Variants in CEP97 observed in about 807,000 individuals in gnomAD.
The protein encoded by CEP97 is centrosomal protein of 97 kDa.
In CEP97, 43 loss-of-function variants were observed where a neutral mutation model predicts 73.1. That is an observed-to-expected ratio of 0.59 (90% confidence interval 0.46 to 0.76). The LOEUF is 0.76. Among genes scored for constraint, CEP97 ranks in the 30% least tolerant of loss-of-function variants. CEP97 has a pLI of 0.00. For missense variants in CEP97, 939 were observed against 1,014.0 expected (o/e 0.93, Z 1.00); for synonymous variants, 337 against 370.0 (o/e 0.91, Z 1.02).
rs962527575 is a variant in CEP97 at position 101,766,910 on chromosome 3, G to A, written c.*1359G>A. ...AAGCATCTGATCCTTCAAGGATAAA[G>A]TTGAGGATCACATGGTACGTGGCAT... On this transcript the variant is annotated 3_prime_UTR_variant, in exon 11 of 11. Coordinates refer to ENST00000341893, the MANE Select transcript of CEP97 (RefSeq NM_024548.4). 6.6e-6 allele frequency: 1 copy of A among 152,182 alleles called. No homozygotes were observed. The highest frequency in any genetic ancestry group is 2.4e-5 in the African/African-American group (1 of 41,442). 9.4% of individuals were successfully genotyped at this position (152,182 alleles called of 1,614,324 possible). A position where few individuals can be genotyped will look rare whatever the true frequency, so the allele number is the denominator to read the frequency against.
intron 6 of CEP97, among the ~76,000 whole-genome samples, chr3:101,749,855 T>A (rs1938749085): frequency 7.3e-6 from 1 of 137,492 alleles, no homozygotes; most frequent in Non-Finnish European, 1.6e-5. Context: ...TGTTTTTTTC[T>A]TGTAAATTTG....
chr3:101,749,609 C>T (rs1398445819), intron 6 of CEP97, among the ~76,000 whole-genome samples: 2 of 127,996 alleles, frequency 1.6e-5, no homozygotes, highest in African/African-American at 3.0e-5. Context: ...ACAGTCCCAC[C>T]AACAGTGTAA....
At chr3:101,742,803 A>G (rs1334252662) in intron 6 of CEP97, among the ~76,000 whole-genome samples, 1 of 152,084 alleles carries the variant, frequency 6.6e-6, no homozygotes, top group African/African-American at 2.4e-5. Context: ...TTTTTTCCAG[A>G]CACATTTTTA....
intron 10 of CEP97, among the ~76,000 whole-genome samples, chr3:101,764,199 G>A (rs1939245180): frequency 6.6e-6 from 1 of 152,210 alleles, no homozygotes; most frequent in African/African-American, 2.4e-5. Context: ...GGGTGTGGTG[G>A]CTTGTGCCCG....
chr3:101,756,753 GT>G (rs1410369173), intron 7 of CEP97, among the ~76,000 whole-genome samples: 2 of 151,890 alleles, frequency 1.3e-5, no homozygotes, highest in Non-Finnish European at 2.9e-5. Context: ...AAAGGGTACA[GT>G]GAAAAAAAAG....
At chr3:101,727,341 A>G in intron 2 of CEP97, 42 bp from the exon 3 acceptor site, 1 of 1,508,026 alleles carries the variant, frequency 6.6e-7, no homozygotes, top group South Asian at 1.2e-5. Context: ...AATATTTTAT[A>G]TATGTTATTC....
At chr3:101,742,661 C>T (rs1938492020) in intron 6 of CEP97, among the ~76,000 whole-genome samples, 1 of 151,312 alleles carries the variant, frequency 6.6e-6, no homozygotes, top group South Asian at 2.1e-4. Context: ...GTGCAGCAAA[C>T]CACCATGGCA....
chr3:101,758,242 G>C lies in CEP97; in HGVS notation c.1636G>C (p.Val546Leu), dbSNP rs1042158708. The change falls in exon 9 of 11, where the codon GTT becomes CTT. Residue 546 changes from valine (V) to leucine (L), a missense_variant. Coordinates refer to ENST00000341893, the MANE Select transcript of CEP97 (RefSeq NM_024548.4). ...KLPMILTQRS[V>L]ALGQDKVALQ... ...TCCCATGATTTTAACCCAGAGATCTGTTGCTTTGGGACAAGACAAAGTTGC... is the reference window on the plus strand; with the variant it reads ...TCCCATGATTTTAACCCAGAGATCTCTTGCTTTGGGACAAGACAAAGTTGC... 3.1e-6 allele frequency: 5 copies of C among 1,614,096 alleles called. No individual in the cohort carries two copies. In the African/African-American group the frequency reaches 5.3e-5, roughly 17 times the overall value.
At position 101,762,480 on chromosome 3, in the gene CEP97, T is replaced by C; in HGVS notation, c.1818-5T>C. On this transcript the variant is annotated splice_region_variant and splice_polypyrimidine_tract_variant and intron_variant, in intron 9 of 10. Transcript: ENST00000341893. ...ATGTCAATAATGTGTTTTGAATTAT[T>C]GTAGATTACGAAAAGAAAGAGATGA... 6.3e-7 allele frequency: 1 copy of C among 1,589,958 alleles called. No individual in the cohort carries two copies. Among genetic ancestry groups the C allele is most frequent in the Non-Finnish European group, 8.6e-7 (1 of 1,161,290 alleles).
intron 6 of CEP97, among the ~76,000 whole-genome samples, chr3:101,745,549 A>C (rs1453325384): frequency 4.6e-5 from 7 of 150,924 alleles, no homozygotes; most frequent in Non-Finnish European, 8.8e-5. Context: ...TACAGATATA[A>C]GCCACTGCAC....
intron 7 of CEP97, among the ~76,000 whole-genome samples, chr3:101,756,285 C>T (rs1204122703): frequency 1.3e-5 from 2 of 152,032 alleles, no homozygotes; most frequent in Non-Finnish European, 2.9e-5. Context: ...TCTTGAACTC[C>T]TAACCTCAGG....
chr3:101,748,715 A>G (rs1038682120), intron 6 of CEP97, among the ~76,000 whole-genome samples: 7 of 152,154 alleles, frequency 4.6e-5, no homozygotes, highest in African/African-American at 1.7e-4. Context: ...ATCTCGGCTT[A>G]CTGCAAGCTC....
In CEP97 at chr3:101,758,412, T is replaced by A; in HGVS notation, c.1806T>A (p.Asp602Glu). The A allele has an allele frequency of 2.5e-6, 4 of 1,613,996 alleles. No homozygotes were observed. Among genetic ancestry groups the A allele is most frequent in the Non-Finnish European group, 3.4e-6 (4 of 1,180,012 alleles). ...AAGAGCACATTGTCTGCTTAACTGA[T>A]GAAATAAGGAGGTGGGTCAGAAGTC... ...RMQEHIVCLT[D>E]EIRRLRKERD... Residue 602 changes from aspartate to glutamate, a missense_variant, in exon 9 of 11, where the codon GAT becomes GAA. Physicochemically the swap from Asp to Glu is conservative, Grantham distance 45 (BLOSUM62 2). Transcript: ENST00000341893.
intron 6 of CEP97, among the ~76,000 whole-genome samples, chr3:101,747,464 T>A (rs2107164392): frequency 6.6e-6 from 1 of 152,094 alleles, no homozygotes; most frequent in African/African-American, 2.4e-5. Flanking sequence ...TTTCACTGTG[T>A]TAGCCAGGAT....
Position 101,769,292 on chromosome 3 carries a change from A to G in CEP97, c.*3741A>G, listed in dbSNP as rs1005300811. The G allele has an allele frequency of 6.6e-6, 1 of 151,912 alleles. No homozygotes were observed. The highest frequency in any genetic ancestry group is 1.5e-5 in the Non-Finnish European group (1 of 67,996). The allele number at this position is 151,912 out of a possible 1,614,324, so 9.4% of individuals were successfully genotyped here. A position where few individuals can be genotyped will look rare whatever the true frequency, so the allele number is the denominator to read the frequency against. On this transcript the variant is annotated 3_prime_UTR_variant, in exon 11 of 11. Transcript: ENST00000341893. ...ATAGAATGAATATGATCATTTCTCC[A>G]TCATAAAGGAAAGAAGAGACTTCAT...
chr3:101,737,027 G>A (rs747777074), intron 6 of CEP97, among the ~76,000 whole-genome samples: 1 of 152,176 alleles, frequency 6.6e-6, no homozygotes, highest in South Asian at 2.1e-4. Flanking sequence ...AACACAGCAC[G>A]AGAACTTTGT....
At chr3:101,731,357 T>A (rs1389306179) in intron 4 of CEP97, among the ~76,000 whole-genome samples, 1 of 151,656 alleles carries the variant, frequency 6.6e-6, no homozygotes, top group Non-Finnish European at 1.5e-5. Flanking sequence ...CACCTCATCA[T>A]GCCTGGCTAA....
chr3:101,763,747 T>C (rs1041877201), intron 10 of CEP97, among the ~76,000 whole-genome samples: 2 of 152,236 alleles, frequency 1.3e-5, no homozygotes, highest in Non-Finnish European at 2.9e-5. Context: ...GCATATACTA[T>C]ATTGTTAGCT....
At position 101,757,687 on chromosome 3, in the gene CEP97, T is replaced by A. The variant is rs915607277; in HGVS notation, c.1081T>A (p.Leu361Ile). The change falls in exon 9 of 11, where the codon TTA becomes ATA. Residue 361 changes from leucine (L) to isoleucine (I), a missense_variant. Physicochemically the swap from Leu to Ile is conservative, Grantham distance 5. Coordinates refer to ENST00000341893, the MANE Select transcript of CEP97 (RefSeq NM_024548.4). ...WVGINSNDDQ[L>I]FAVKNNFPAS... ...TGGGATAAACAGTAATGATGATCAG[T>A]TATTTGCGGTTAAGAATAATTTTCC... The A allele has an allele frequency of 1.2e-6, 2 of 1,614,066 alleles. No individual in the cohort carries two copies. The highest frequency in any genetic ancestry group is 1.6e-4 in the Middle Eastern group (1 of 6,084).
Sources: gnomAD v4.1 joint callset for allele counts (sites outside exome capture counted in the v4.1 genomes callset) on GRCh38, gnomAD v4.1.1 for gene constraint, MANE v1.5 for transcripts, NCBI Gene and HGNC (gene_info 2026-07-23, HGNC 2026-07-21) for gene names.